Variants in SETBP1 observed in about 807,000 individuals in gnomAD.
SETBP1 encodes SET-binding protein.
Under a neutral mutation model 101.0 loss-of-function variants are expected in SETBP1, and 9 were observed. The ratio of observed to expected loss-of-function variants is 0.09; its 90% CI spans 0.05 to 0.16. The LOEUF (loss-of-function observed/expected upper bound fraction) is 0.16, where lower values mean the gene tolerates loss of function less well. SETBP1 is among the 10% of genes least tolerant of loss of function. SETBP1 has a pLI of 1.00. For synonymous variants in SETBP1, 818 were observed against 788.5 expected, an observed-to-expected ratio of 1.04 and a Z score of -0.63; for missense variants, 1,858 against 2,033.8, an observed-to-expected ratio of 0.91 and a Z score of 1.66.
intron 2 of SETBP1, among the ~76,000 whole-genome samples, chr18:44,847,407 C>T (rs1450527973): frequency 2.0e-5 from 3 of 152,134 alleles, no homozygotes; most frequent in African/African-American, 7.2e-5. Context: ...TGAAGGAATC[C>T]AGGGTCAGCT....
At chr18:44,696,539 G>C (rs1006999742) in intron 1 of SETBP1, among the ~76,000 whole-genome samples, 2 of 152,216 alleles carry the variant, frequency 1.3e-5, no homozygotes, top group Non-Finnish European at 1.5e-5. Flanking sequence ...CAGTTTTGGA[G>C]GGGAGGGAGG....
At chr18:44,973,476 G>A (rs1326976605) in intron 4 of SETBP1, among the ~76,000 whole-genome samples, 1 of 152,150 alleles carries the variant, frequency 6.6e-6, no homozygotes, top group Non-Finnish European at 1.5e-5. Context: ...CTGCCCTCTG[G>A]AGGCTGCCAT....
chr18:44,819,263 A>G (rs929280962), intron 2 of SETBP1, among the ~76,000 whole-genome samples: 19 of 152,204 alleles, frequency 1.2e-4, no homozygotes, highest in African/African-American at 3.1e-4. Context: ...CAGTAGTACC[A>G]GACACCAGAT....
At chr18:44,989,627 T>G (rs955087512) in intron 4 of SETBP1, among the ~76,000 whole-genome samples, 13 of 151,410 alleles carry the variant, frequency 8.6e-5, no homozygotes, top group African/African-American at 3.2e-4. Context: ...TAAAAAAAAA[T>G]TATCTGCCGA....
chr18:44,736,960 C>T (rs560955144), intron 2 of SETBP1, among the ~76,000 whole-genome samples: 6 of 152,364 alleles, frequency 3.9e-5, no homozygotes, highest in African/African-American at 1.4e-4. Flanking sequence ...TCATTGCCCT[C>T]CTTCTTTCAG....
intron 3 of SETBP1, chr18:44,876,702 T>C: frequency 6.6e-7 from 1 of 1,504,718 alleles, no homozygotes; most frequent in Non-Finnish European, 8.9e-7. Context: ...AACCCGGTTC[T>C]CTCACTCTTC....
rs142048373 is a variant in SETBP1, at chr18:44,835,284, C to T, written c.487-33946C>T. Among the ~76,000 whole-genome samples, 52 of 152,080 alleles carry T rather than the reference C, an allele frequency of 3.4e-4. 1 individual carries two copies. The Middle Eastern group carries it at 0.01, about 30-fold the overall frequency. Reference sequence around the variant, plus strand: ...TGCATCTCGAAGAGGCCCTTGGGTGCGGTGCATTTTATCAATATCATCAAA... The same window carrying T: ...TGCATCTCGAAGAGGCCCTTGGGTGTGGTGCATTTTATCAATATCATCAAA... On this transcript the variant is annotated intron_variant, in intron 2 of 5. Transcript: ENST00000649279.
At chr18:44,693,672 C>A (rs976759101) in intron 1 of SETBP1, among the ~76,000 whole-genome samples, 1 of 152,132 alleles carries the variant, frequency 6.6e-6, no homozygotes, top group African/African-American at 2.4e-5. Flanking sequence ...CTTGCCAGAA[C>A]CTGACAAGAG....
chr18:44,853,420 G>A (rs74902742), intron 2 of SETBP1, among the ~76,000 whole-genome samples: 2,528 of 152,238 alleles, frequency 0.017, 27 homozygotes, highest in Non-Finnish European at 0.024. Context: ...CAGGATGGAG[G>A]GAAGACTAAC....
intron 2 of SETBP1, among the ~76,000 whole-genome samples, chr18:44,723,211 C>T (rs1038917293): frequency 2.0e-5 from 3 of 152,214 alleles, no homozygotes; most frequent in East Asian, 1.9e-4. Flanking sequence ...CCTTCTCCTT[C>T]TCTTCCTCTC....
intron 3 of SETBP1, chr18:44,876,645 G>A: frequency 6.4e-7 from 1 of 1,551,616 alleles, no homozygotes; most frequent in Non-Finnish European, 8.7e-7. Flanking sequence ...TCCTGTCCCA[G>A]GAACGTGCCA....
At chr18:45,045,162 C>T (rs1161370505) in intron 5 of SETBP1, among the ~76,000 whole-genome samples, 12 of 151,780 alleles carry the variant, frequency 7.9e-5, no homozygotes, top group African/African-American at 2.9e-4. Context: ...CAGTGGCTCA[C>T]ACCTGTAATC....
intron 5 of SETBP1, among the ~76,000 whole-genome samples, chr18:45,040,654 G>A (rs1181920619): frequency 6.6e-6 from 1 of 152,272 alleles, no homozygotes. Context: ...TTATTGTTGG[G>A]ATCACATGCT....
intron 3 of SETBP1, among the ~76,000 whole-genome samples, chr18:44,872,406 G>A (rs1002486181): frequency 3.3e-5 from 5 of 151,746 alleles, no homozygotes; most frequent in Admixed American, 3.3e-4. Flanking sequence ...TTTTTTAATG[G>A]TAATATTTTA....
chr18:44,705,443 T>C (rs952495616), intron 2 of SETBP1, among the ~76,000 whole-genome samples: 9 of 152,208 alleles, frequency 5.9e-5, no homozygotes, highest in Admixed American at 3.3e-4. Context: ...AGTTTCAGGA[T>C]AATAAAGGTT....
At chr18:44,714,583 T>C (rs2069420268) in intron 2 of SETBP1, among the ~76,000 whole-genome samples, 1 of 151,914 alleles carries the variant, frequency 6.6e-6, no homozygotes, top group South Asian at 2.1e-4. Flanking sequence ...TAGAAACATC[T>C]GAAATCTTGT....
At chr18:44,896,365 A>G (rs1173217076) in intron 3 of SETBP1, among the ~76,000 whole-genome samples, 1 of 152,140 alleles carries the variant, frequency 6.6e-6, no homozygotes, top group Non-Finnish European at 1.5e-5. Flanking sequence ...GCGGAAATCT[A>G]TTTCCCAGCT....
chr18:44,686,617 A>AT (rs1568089595), intron 1 of SETBP1, among the ~76,000 whole-genome samples: 1 of 152,180 alleles, frequency 6.6e-6, no homozygotes, highest in East Asian at 1.9e-4. Context: ...TTTATGAATG[A>AT]TTTTTTGTTT....
intron 3 of SETBP1, among the ~76,000 whole-genome samples, chr18:44,941,438 C>G (rs1300010810): frequency 6.6e-6 from 1 of 151,898 alleles, no homozygotes; most frequent in Non-Finnish European, 1.5e-5. Context: ...AATTTTTTCT[C>G]TTTATTTTTG....
Sources: gnomAD v4.1 joint callset for allele counts (sites outside exome capture counted in the v4.1 genomes callset) on GRCh38, gnomAD v4.1.1 for gene constraint, MANE v1.5 for transcripts, NCBI Gene and HGNC (gene_info 2026-07-23, HGNC 2026-07-21) for gene names.